The following WDR31 variants were observed in gnomAD, a reference collection of about 807,000 sequenced individuals.
WDR31 encodes WD repeat domain 31, also known as WD repeat-containing protein 31.
A neutral mutation model predicts 47.3 loss-of-function variants in WDR31; 30 were observed. The ratio of observed to expected loss-of-function variants is 0.63; its 90% CI spans 0.47 to 0.86. The LOEUF is 0.86. Ranked by LOEUF, WDR31 falls within the 40% of genes least tolerant of loss-of-function variation. The pLI, the probability that WDR31 is intolerant of heterozygous loss-of-function variation, is 0.00. For missense variants in WDR31, 406 were observed against 442.9 expected, an observed-to-expected ratio of 0.92 and a Z score of 0.75; for synonymous variants, 137 against 159.4, an observed-to-expected ratio of 0.86 and a Z score of 1.06.
intron 7 of WDR31, 61 bp downstream of exon 7, chr9:113,322,750 C>G: frequency 6.5e-7 from 1 of 1,548,808 alleles, no homozygotes; most frequent in Non-Finnish European, 8.8e-7. Context: ...ATCTCCCGAG[C>G]CTTTCCTTCA....
intron 5 of WDR31, 52 bp from the exon 6 acceptor site, chr9:113,323,207 A>T: frequency 6.4e-7 from 1 of 1,574,120 alleles, no homozygotes; most frequent in Non-Finnish European, 8.6e-7. Flanking sequence ...TGCTAGTTGG[A>T]CTGGACTTTA....
At chr9:113,337,974 A>G (rs916388460) in intron 1 of WDR31, among the ~76,000 whole-genome samples, 1 of 152,366 alleles carries the variant, frequency 6.6e-6, no homozygotes, top group African/African-American at 2.4e-5. Context: ...ACTGCAAATA[A>G]GTGGCAGAGC....
rs1013699154 is a variant in WDR31 at position 113,316,908 on chromosome 9, G to A, written c.945C>T (p.Ala315=). 2 of 1,613,322 alleles carry A rather than the reference G, an allele frequency of 1.2e-6. No homozygotes were observed. The highest frequency in any genetic ancestry group is 3.3e-5 in the Admixed American group (2 of 59,850). The change falls in exon 11 of 11, where the codon GCC becomes GCT. Residue 315 remains alanine, a splice_region_variant and synonymous_variant. Coordinates refer to ENST00000374193, the MANE Select transcript of WDR31 (RefSeq NM_001012361.4). ...KVKIWNQDTG[A]CLFTLSLDGS... Reference sequence around the variant, plus strand: ...CATCCAGAGACAAGGTGAAAAGGCAGGCTGGGGGGGAAAGGGGGACCAGCA... The same window carrying A: ...CATCCAGAGACAAGGTGAAAAGGCAAGCTGGGGGGGAAAGGGGGACCAGCA...
chr9:113,324,814 T>G (rs535283007), intron 5 of WDR31, among the ~76,000 whole-genome samples: 1 of 143,454 alleles, frequency 7.0e-6, no homozygotes, highest in Non-Finnish European at 1.5e-5. Flanking sequence ...TAAACAATGC[T>G]GCTATATATA....
chr9:113,317,999 G>A (rs1050545384), intron 10 of WDR31, among the ~76,000 whole-genome samples: 3 of 152,198 alleles, frequency 2.0e-5, no homozygotes, highest in African/African-American at 7.2e-5. Flanking sequence ...TGGGGAGCTG[G>A]GTTGCATAAG....
At chr9:113,317,144 G>T (rs1378256723) in intron 10 of WDR31, among the ~76,000 whole-genome samples, 1 of 152,198 alleles carries the variant, frequency 6.6e-6, no homozygotes, top group Admixed American at 6.5e-5. Context: ...CCATCACCAA[G>T]AAGTGTCGGG....
Position 113,318,565 on chromosome 9 carries a change from C to A in WDR31, c.853G>T (p.Val285Phe). 1.9e-6 allele frequency: 3 copies of A among 1,614,180 alleles called. No individual in the cohort carries two copies. The highest frequency in any genetic ancestry group is 1.7e-6 in the Non-Finnish European group (2 of 1,180,036). ...KGHFQTVASC[V>F]FLPRALALMP... Reference sequence around the variant, plus strand: ...AAGGCCAATGCTCTTGGTAGAAAGACGCAGGATGCGACAGTCTGGAAATGC... The same window carrying A: ...AAGGCCAATGCTCTTGGTAGAAAGAAGCAGGATGCGACAGTCTGGAAATGC... Residue 285 changes from valine to phenylalanine, a missense_variant, in exon 10 of 11, where the codon GTC becomes TTC. Coordinates refer to ENST00000374193, the MANE Select transcript of WDR31 (RefSeq NM_001012361.4).
At chr9:113,326,065 C>T (rs145403269) in intron 5 of WDR31, among the ~76,000 whole-genome samples, 21 of 152,300 alleles carry the variant, frequency 1.4e-4, no homozygotes, top group African/African-American at 5.1e-4. Context: ...GCATGCGCCA[C>T]CACACCTGGC....
In WDR31 at chr9:113,328,961, G is replaced by T; in HGVS notation, c.250-6C>A. The T allele has an allele frequency of 2.5e-6, 4 of 1,612,508 alleles. No homozygotes were observed. The highest frequency in any genetic ancestry group is 3.4e-6 in the Non-Finnish European group (4 of 1,178,576). On this transcript the variant is annotated splice_polypyrimidine_tract_variant and splice_region_variant and intron_variant, in intron 4 of 10. Coordinates refer to ENST00000374193, the MANE Select transcript of WDR31 (RefSeq NM_001012361.4). The stretch of plus-strand genomic sequence containing the variant: ...CAATTATAGGCCACAACTGTCTGAA[G>T]AGAGTGAAGATTGTAGTTTCATTAC...
chr9:113,314,691 C>T lies in WDR31; in HGVS notation c.*2058G>A, dbSNP rs111236005. 0.12 allele frequency: 18,809 copies of T among 152,070 alleles called. 1,241 individuals are homozygous for T. The highest frequency in any genetic ancestry group is 0.14 in the Non-Finnish European group (9,717 of 68,128). 9.4% of individuals were successfully genotyped at this position (152,070 alleles called of 1,614,324 possible). A position where few individuals can be genotyped will look rare whatever the true frequency, so the allele number is the denominator to read the frequency against. The stretch of plus-strand genomic sequence containing the variant: ...GTGCAATGGCACAATCTCGGCTCAC[C>T]GCAACCTCCGCCTCCTGGGTTCAAG... On this transcript the variant is annotated 3_prime_UTR_variant, in exon 11 of 11. Coordinates refer to ENST00000374193, the MANE Select transcript of WDR31 (RefSeq NM_001012361.4).
intron 10 of WDR31, 122 bp from the exon 11 acceptor site, chr9:113,317,031 G>T: frequency 8.6e-7 from 1 of 1,166,012 alleles, no homozygotes; most frequent in Non-Finnish European, 1.2e-6. Flanking sequence ...GTATGAGAGA[G>T]ACCCCACTTC....
At chr9:113,319,879 T>C (rs1833286894) in intron 9 of WDR31, among the ~76,000 whole-genome samples, 1 of 152,192 alleles carries the variant, frequency 6.6e-6, no homozygotes, top group Admixed American at 6.6e-5. Flanking sequence ...CTCCTCCCCA[T>C]CTTGACTCTC....
intron 10 of WDR31, 112 bp from the exon 11 acceptor site, chr9:113,317,021 G>A (rs1427775690): frequency 1.2e-5 from 15 of 1,237,574 alleles, no homozygotes; most frequent in East Asian, 5.1e-5. Flanking sequence ...TATCTAACCC[G>A]TATGAGAGAG....
At chr9:113,328,577 G>A (rs1373198680) in intron 5 of WDR31, among the ~76,000 whole-genome samples, 4 of 152,212 alleles carry the variant, frequency 2.6e-5, no homozygotes, top group African/African-American at 9.6e-5. Context: ...CACAGGGTAA[G>A]CCCAAGCCTT....
At position 113,316,469 on chromosome 9, in the gene WDR31, CTT is replaced by C. The variant is rs541806719; in HGVS notation, c.*278_*279del. ...ACAGGTCATCATTCTGAGCAATACA[CTT>C]TTTTTGAAGAGTAGTCCTAAAAGCT... On this transcript the variant is annotated 3_prime_UTR_variant, in exon 11 of 11. Coordinates refer to ENST00000374193, the MANE Select transcript of WDR31 (RefSeq NM_001012361.4). The C allele has an allele frequency of 3.2e-6, 1 of 314,724 alleles. No homozygotes were observed. Among genetic ancestry groups the C allele is most frequent in the Admixed American group, 4.4e-5 (1 of 22,616 alleles). 19.5% of individuals were successfully genotyped at this position (314,724 alleles called of 1,614,324 possible).
intron 1 of WDR31, among the ~76,000 whole-genome samples, chr9:113,337,641 T>C (rs1833746158): frequency 6.6e-6 from 1 of 152,044 alleles, no homozygotes; most frequent in Non-Finnish European, 1.5e-5. Context: ...AAGTTTTGTA[T>C]TTTTAGTAGA....
At chr9:113,323,189 C>A in intron 5 of WDR31, 34 bp from the exon 6 acceptor site, 2 of 1,600,244 alleles carry the variant, frequency 1.2e-6, no homozygotes, top group South Asian at 1.1e-5. Context: ...ACTGAAATAG[C>A]TCTGGTATGC....
intron 5 of WDR31, among the ~76,000 whole-genome samples, chr9:113,324,836 G>A (rs879809882): frequency 0.12 from 6,772 of 56,228 alleles, 242 homozygotes; most frequent in South Asian, 0.25. Flanking sequence ...ATATGTGTGT[G>A]TGTGTGTGTG....
At position 113,316,550 on chromosome 9, in the gene WDR31, C is replaced by T; in HGVS notation, c.*199G>A. On this transcript the variant is annotated 3_prime_UTR_variant, in exon 11 of 11. Transcript: ENST00000374193. ...TAAATAGAGAACCTTATGTGTAGTC[C>T]ATGTTTCTGGACTCTATACCTGATT... is the stretch of plus-strand genomic sequence containing the variant. 1.7e-6 allele frequency: 1 copy of T among 578,384 alleles called. No individual in the cohort carries two copies. The highest frequency in any genetic ancestry group is 2.9e-6 in the Non-Finnish European group (1 of 346,166). 35.8% of individuals were successfully genotyped at this position (578,384 alleles called of 1,614,324 possible).
Sources: gnomAD v4.1 joint callset for allele counts (sites outside exome capture counted in the v4.1 genomes callset) on GRCh38, gnomAD v4.1.1 for gene constraint, MANE v1.5 for transcripts, NCBI Gene and HGNC (gene_info 2026-07-23, HGNC 2026-07-21) for gene names.